The following TMEM8B variants were observed in gnomAD, a reference collection of about 807,000 sequenced individuals.
TMEM8B encodes the protein transmembrane protein 8B, also known as nasopharyngeal carcinoma expressed 6.
In TMEM8B, 29 loss-of-function variants were observed where a neutral mutation model predicts 49.3. The observed-to-expected ratio is 0.59, with a 90% CI of 0.44 to 0.80. The LOEUF is 0.80. TMEM8B is among the 30% of genes least tolerant of loss of function. TMEM8B has a pLI of 0.00. For missense variants in TMEM8B, 575 were observed against 658.5 expected, an observed-to-expected ratio of 0.87 and a Z score of 1.39; for synonymous variants, 264 against 272.8, an observed-to-expected ratio of 0.97 and a Z score of 0.32.
In TMEM8B at chr9:35,862,380, A is replaced by G; in HGVS notation, c.*8540A>G. 6.6e-6 allele frequency: 1 copy of G among 152,244 alleles called. No individual in the cohort carries two copies. Among genetic ancestry groups the G allele is most frequent in the Non-Finnish European group, 1.5e-5 (1 of 68,046 alleles). The allele number at this position is 152,244 out of a possible 1,614,324, so 9.4% of individuals were successfully genotyped here. ...TGGGGGTGTTGCTGCAGACAGAACT[A>G]TGTCCATCTCAAATTCTGACACTGG... On this transcript the variant is annotated 3_prime_UTR_variant, in exon 13 of 13. Coordinates refer to ENST00000643932, the MANE Select transcript of TMEM8B (RefSeq NM_001042590.4).
chr9:35,847,192 G>A (rs745579156), intron 10 of TMEM8B, 197 bp downstream of exon 10: 1 of 1,566,340 alleles, frequency 6.4e-7, no homozygotes, highest in South Asian at 1.1e-5. Flanking sequence ...TGGAGTAAAT[G>A]AACAAAACTG....
intron 10 of TMEM8B, among the ~76,000 whole-genome samples, chr9:35,852,412 G>A (rs1035866181): frequency 2.6e-5 from 4 of 152,164 alleles, no homozygotes; most frequent in Admixed American, 1.3e-4. Flanking sequence ...GGGAAACTGG[G>A]ACATAGTGGG....
At chr9:35,833,120 C>T (rs537576679) in intron 1 of TMEM8B, among the ~76,000 whole-genome samples, 16 of 152,254 alleles carry the variant, frequency 1.1e-4, no homozygotes, top group African/African-American at 3.6e-4. Context: ...GTTCAGTGTT[C>T]GTCCTTCAGC....
intron 1 of TMEM8B, among the ~76,000 whole-genome samples, chr9:35,831,294 A>C (rs1171627133): frequency 6.6e-6 from 1 of 152,064 alleles, no homozygotes; most frequent in Non-Finnish European, 1.5e-5. Context: ...GTGTTATGGT[A>C]TGAAGGGGAG....
intron 1 of TMEM8B, 128 bp downstream of exon 1, chr9:35,830,083 A>G (rs181184234): frequency 1.0e-5 from 4 of 401,602 alleles, no homozygotes; most frequent in Non-Finnish European, 1.8e-5. Context: ...AGAAATAGAG[A>G]GTAGAGAGGT....
chr9:35,838,454 A>G (rs1029927417), intron 3 of TMEM8B, among the ~76,000 whole-genome samples: 2 of 151,794 alleles, frequency 1.3e-5, no homozygotes, highest in African/African-American at 4.8e-5. Flanking sequence ...TAGTGGCCCA[A>G]TGCTTGGTCC....
intron 3 of TMEM8B, among the ~76,000 whole-genome samples, chr9:35,835,725 C>G (rs146636862): frequency 1.2e-4 from 18 of 152,336 alleles, no homozygotes; most frequent in Non-Finnish European, 2.4e-4. Context: ...CAGAAGACCA[C>G]AAGAGAAGCT....
In TMEM8B at chr9:35,853,998, A is replaced by G. The variant is rs1231591283; in HGVS notation, c.*158A>G. The G allele has an allele frequency of 7.4e-7, 1 of 1,347,800 alleles. No homozygotes were observed. Among genetic ancestry groups the G allele is most frequent in the Non-Finnish European group, 9.5e-7 (1 of 1,055,616 alleles). The allele number at this position is 1,347,800 out of a possible 1,614,324, so 83.5% of individuals were successfully genotyped here. A position where few individuals can be genotyped will look rare whatever the true frequency, so the allele number is the denominator to read the frequency against. On this transcript the variant is annotated 3_prime_UTR_variant, in exon 13 of 13. Coordinates refer to ENST00000643932, the MANE Select transcript of TMEM8B (RefSeq NM_001042590.4). The surrounding 1 kb of genome is among the most constrained non-coding windows in gnomAD (Gnocchi z 4.2). Reference sequence around the variant, plus strand: ...CTTCCAGGGACCTGGAGCCCTTCCCAGGACATGGAGAACTTCCTGAGGGCC... The same window carrying G: ...CTTCCAGGGACCTGGAGCCCTTCCCGGGACATGGAGAACTTCCTGAGGGCC...
intron 10 of TMEM8B, among the ~76,000 whole-genome samples, chr9:35,851,362 C>CT (rs1211308490): frequency 3.9e-5 from 6 of 151,988 alleles, no homozygotes; most frequent in Admixed American, 3.3e-4. Flanking sequence ...CCAGGCTGGT[C>CT]TTTAACTCCT....
intron 1 of TMEM8B, among the ~76,000 whole-genome samples, chr9:35,830,812 C>T (rs756539932): frequency 5.3e-5 from 8 of 152,212 alleles, no homozygotes; most frequent in East Asian, 1.9e-4. Context: ...GGCCACCCTC[C>T]GGTGGGGAAG....
rs770312559 is a variant in TMEM8B, at chr9:35,846,394, G to A, written c.1853+13G>A. On this transcript the variant is annotated intron_variant, in intron 8 of 12. Transcript: ENST00000643932. ...GGGTGGGGCCTCGGTGAGCGGTGCG[G>A]GGCGGGGCCAGGGCTGGGACCGGGA... 4 of 1,608,860 alleles carry A rather than the reference G, an allele frequency of 2.5e-6. No homozygotes were observed. In the African/African-American group the frequency reaches 4.0e-5, roughly 16 times the overall value.
chr9:35,846,434 C>T (rs200011705), intron 8 of TMEM8B, 35 bp from the exon 9 acceptor site: 1,652 of 1,597,004 alleles, frequency 1.0e-3, no homozygotes, highest in Non-Finnish European at 1.4e-3. Flanking sequence ...GCGGGGGTGG[C>T]CCGGGGCCCC....
At chr9:35,832,316 C>T (rs998184790) in intron 1 of TMEM8B, among the ~76,000 whole-genome samples, 6 of 152,092 alleles carry the variant, frequency 3.9e-5, no homozygotes, top group Non-Finnish European at 8.8e-5. Flanking sequence ...ACTCATGCTT[C>T]TTCTGGACAC....
intron 10 of TMEM8B, among the ~76,000 whole-genome samples, chr9:35,851,728 A>C (rs1280905807): frequency 6.6e-6 from 1 of 152,142 alleles, no homozygotes; most frequent in African/African-American, 2.4e-5. Context: ...TCAAACCCAA[A>C]GTTTCCTGAT....
intron 3 of TMEM8B, among the ~76,000 whole-genome samples, chr9:35,838,826 T>C (rs1029875352): frequency 5.9e-5 from 9 of 152,234 alleles, no homozygotes; most frequent in Non-Finnish European, 1.3e-4. Context: ...TGATTTTTCT[T>C]GTCTCCTTAT....
intron 10 of TMEM8B, among the ~76,000 whole-genome samples, chr9:35,848,231 C>T (rs897479408): frequency 6.6e-6 from 1 of 152,188 alleles, no homozygotes; most frequent in African/African-American, 2.4e-5. Context: ...GCCCTTTAAG[C>T]TGGGTGAGAA....
Position 35,846,464 on chromosome 9 carries a change from C to A in TMEM8B, c.1854-5C>A. 1 of 1,598,072 alleles carries A rather than the reference C, an allele frequency of 6.3e-7. No homozygotes were observed. The highest frequency in any genetic ancestry group is 8.5e-7 in the Non-Finnish European group (1 of 1,172,102). On this transcript the variant is annotated splice_region_variant and splice_polypyrimidine_tract_variant and intron_variant, in intron 8 of 12. Coordinates refer to ENST00000643932, the MANE Select transcript of TMEM8B (RefSeq NM_001042590.4). ...GGCCCCAGGTGACTGCGAGTTTGTG[C>A]GCAGGTTCGTGCGGTGCCGCAACGC...
At position 35,864,602 on chromosome 9, in the gene TMEM8B, A is replaced by C. The variant is rs1832704954; in HGVS notation, c.*10762A>C. The C allele has an allele frequency of 6.6e-6, 1 of 152,276 alleles. No individual in the cohort carries two copies. Among genetic ancestry groups the C allele is most frequent in the African/African-American group, 2.4e-5 (1 of 41,464 alleles). 9.4% of individuals were successfully genotyped at this position (152,276 alleles called of 1,614,324 possible). On this transcript the variant is annotated 3_prime_UTR_variant, in exon 13 of 13. Transcript: ENST00000643932. ...TTTTAAGGATCCAGTGACAGGAAGC[A>C]TGCGAAGCTCTTAGAACAGAGCCTG...
In TMEM8B at chr9:35,846,451, C is replaced by T. The variant is rs1341001620; in HGVS notation, c.1854-18C>T. On this transcript the variant is annotated intron_variant, in intron 8 of 12. Coordinates refer to ENST00000643932, the MANE Select transcript of TMEM8B (RefSeq NM_001042590.4). ...GGGGGTGGCCCGGGGCCCCAGGTGA[C>T]TGCGAGTTTGTGCGCAGGTTCGTGC... The T allele has an allele frequency of 1.3e-6, 2 of 1,597,250 alleles. No homozygotes were observed. Among genetic ancestry groups the T allele is most frequent in the Non-Finnish European group, 1.7e-6 (2 of 1,171,150 alleles).
Sources: gnomAD v4.1 joint callset for allele counts (sites outside exome capture counted in the v4.1 genomes callset) on GRCh38, gnomAD v4.1.1 for gene constraint, Gnocchi (gnomAD v3.1) non-coding constraint, MANE v1.5 for transcripts, NCBI Gene and HGNC (gene_info 2026-07-23, HGNC 2026-07-21) for gene names.